Variants in GRM7 observed in about 807,000 individuals in gnomAD.
GRM7 encodes the protein metabotropic glutamate receptor 7.
Under a neutral mutation model 84.5 loss-of-function variants are expected in GRM7, and 35 were observed. The ratio of observed to expected loss-of-function variants is 0.41; its 90% confidence interval spans 0.32 to 0.55. The LOEUF is 0.55. Among genes scored for constraint, GRM7 ranks in the 20% least tolerant of loss-of-function variants. The probability of loss-of-function intolerance (pLI) is 0.19; values close to 1 mark genes in which losing one functional copy is unlikely to be tolerated. For missense variants in GRM7, 1,003 were observed against 1,194.6 expected, an observed-to-expected ratio of 0.84 and a Z score of 2.36; for synonymous variants, 487 against 455.1, an observed-to-expected ratio of 1.07 and a Z score of -0.89.
rs1298850673 is a variant in GRM7 at position 7,656,518 on chromosome 3, A to AT, written c.2452-23531_2452-23530insT. On this transcript the variant is annotated intron_variant, in intron 8 of 9. Coordinates refer to ENST00000357716, the MANE Select transcript of GRM7 (RefSeq NM_000844.4). ...CTCAAAAAACAAACAAACAAATAAAAAAAAATATATATATATATATACGCG... is the reference window on the plus strand; with the variant it reads ...CTCAAAAAACAAACAAACAAATAAAATAAAAATATATATATATATATACGCG... 3.1e-4 allele frequency among the ~76,000 whole-genome samples: 29 copies of AT among 93,286 alleles called. No homozygotes were observed. In the East Asian group the frequency reaches 6.1e-3, roughly 20 times the overall value. 61.2% of individuals were successfully genotyped at this position (93,286 alleles called of 152,430 possible). A position where few individuals can be genotyped will look rare whatever the true frequency, so the allele number is the denominator to read the frequency against.
chr3:7,607,730 T>TTTTC (rs1491468792), intron 8 of GRM7: 5 of 53,200 alleles, frequency 9.4e-5, no homozygotes, highest in African/African-American at 3.0e-4. Context: ...CACACTTTCC[T>TTTTC]TTTTTTTTTT....
At chr3:7,191,263 T>C (rs1479994129) in intron 2 of GRM7, among the ~76,000 whole-genome samples, 1 of 152,098 alleles carries the variant, frequency 6.6e-6, no homozygotes, top group African/African-American at 2.4e-5. Flanking sequence ...TCTCTTCTAC[T>C]TCATGTTGAA....
chr3:7,074,208 A>G (rs1292285615), intron 1 of GRM7, among the ~76,000 whole-genome samples: 1 of 152,202 alleles, frequency 6.6e-6, no homozygotes, highest in Admixed American at 6.5e-5. Context: ...TGGTCCTGTC[A>G]TTATTCCAGT....
At chr3:7,391,834 C>T (rs1218413503) in intron 4 of GRM7, among the ~76,000 whole-genome samples, 1 of 151,986 alleles carries the variant, frequency 6.6e-6, no homozygotes, top group Non-Finnish European at 1.5e-5. Context: ...ATGCCCTCCC[C>T]CAGAGCATGT....
At chr3:7,698,931 G>T (rs1249373129) in intron 9 of GRM7, among the ~76,000 whole-genome samples, 1 of 152,138 alleles carries the variant, frequency 6.6e-6, no homozygotes, top group Non-Finnish European at 1.5e-5. Flanking sequence ...TGTCAATTGA[G>T]GTTTTACAAC....
chr3:7,197,685 A>G (rs1695922555), intron 2 of GRM7, among the ~76,000 whole-genome samples: 1 of 142,304 alleles, frequency 7.0e-6, no homozygotes, highest in Non-Finnish European at 1.5e-5. Context: ...AGGAAAAAAT[A>G]CTTTTTACGA....
At chr3:7,515,371 C>T (rs1405726861) in intron 7 of GRM7, among the ~76,000 whole-genome samples, 2 of 152,152 alleles carry the variant, frequency 1.3e-5, no homozygotes, top group African/African-American at 4.8e-5. Flanking sequence ...GCATCCCTGG[C>T]CTCTGTCTAT....
In GRM7 at chr3:7,331,751, C is replaced by G. The variant is rs892641391; in HGVS notation, c.1033+25099C>G. 9.9e-5 allele frequency among the ~76,000 whole-genome samples: 15 copies of G among 152,128 alleles called. No individual in the cohort carries two copies. In the East Asian group the frequency reaches 1.3e-3, roughly 14 times the overall value. On this transcript the variant is annotated intron_variant, in intron 4 of 9. Coordinates refer to ENST00000357716, the MANE Select transcript of GRM7 (RefSeq NM_000844.4). ...TTGTTGTATGGCATAAAAGCAGTCT[C>G]TTTTCTGCGGAGCCTCAATTTCCCC...
intron 1 of GRM7, among the ~76,000 whole-genome samples, chr3:7,095,264 G>A (rs185192995): frequency 1.2e-3 from 187 of 152,260 alleles, no homozygotes; most frequent in African/African-American, 4.2e-3. Flanking sequence ...TGGAAGCAAT[G>A]AGTCTCCAGT....
At chr3:6,957,257 AT>A (rs1204018297) in intron 1 of GRM7, among the ~76,000 whole-genome samples, 2 of 152,146 alleles carry the variant, frequency 1.3e-5, no homozygotes, top group Non-Finnish European at 2.9e-5. Context: ...TGTTGAAGGA[AT>A]TTCTCCCAGG....
At chr3:7,571,524 C>G (rs1400070911) in intron 7 of GRM7, among the ~76,000 whole-genome samples, 1 of 152,194 alleles carries the variant, frequency 6.6e-6, no homozygotes, top group Non-Finnish European at 1.5e-5. Flanking sequence ...CAACAAGTTC[C>G]TCATCTCCAT....
At chr3:7,536,985 A>T (rs1028139511) in intron 7 of GRM7, among the ~76,000 whole-genome samples, 4 of 152,194 alleles carry the variant, frequency 2.6e-5, no homozygotes, top group African/African-American at 9.7e-5. Flanking sequence ...CATTTCTGAA[A>T]TGTTGCTTCC....
At chr3:6,984,589 C>A (rs1212033332) in intron 1 of GRM7, among the ~76,000 whole-genome samples, 1 of 151,916 alleles carries the variant, frequency 6.6e-6, no homozygotes, top group Non-Finnish European at 1.5e-5. Context: ...TTTTTCTCTA[C>A]CCTGTGAACA....
intron 9 of GRM7, among the ~76,000 whole-genome samples, chr3:7,696,701 G>A (rs1384904906): frequency 6.6e-6 from 1 of 152,092 alleles, no homozygotes; most frequent in African/African-American, 2.4e-5. Context: ...TTCTGTGCAT[G>A]GTTAGCCCTT....
chr3:7,110,843 G>A (rs1246622468), intron 1 of GRM7, among the ~76,000 whole-genome samples: 1 of 151,990 alleles, frequency 6.6e-6, no homozygotes, highest in Non-Finnish European at 1.5e-5. Flanking sequence ...GTGGAGGTGT[G>A]TATACCAAGC....
At chr3:7,091,324 A>G (rs1260516643) in intron 1 of GRM7, among the ~76,000 whole-genome samples, 7 of 152,208 alleles carry the variant, frequency 4.6e-5, no homozygotes, top group Admixed American at 4.6e-4. Context: ...AGGTTTCTCC[A>G]GTGACTTAAA....
At position 7,572,354 on chromosome 3, in the gene GRM7, T is replaced by A. The variant is rs918037886; in HGVS notation, c.1516-6068T>A. ...TACAGGCTCTGGAATTTTTAGAAGATCCCCAAGTAATTCAAATGTGCAAAC... is the reference window on the plus strand; with the variant it reads ...TACAGGCTCTGGAATTTTTAGAAGAACCCCAAGTAATTCAAATGTGCAAAC... On this transcript the variant is annotated intron_variant, in intron 7 of 9. Coordinates refer to ENST00000357716, the MANE Select transcript of GRM7 (RefSeq NM_000844.4). Among the ~76,000 whole-genome samples the A allele has an allele frequency of 6.6e-5, 10 of 152,194 alleles. No individual in the cohort carries two copies. In the East Asian group the frequency reaches 1.9e-3, roughly 30 times the overall value.
intron 1 of GRM7, among the ~76,000 whole-genome samples, chr3:6,963,003 G>C (rs1007512030): frequency 1.3e-5 from 2 of 152,148 alleles, no homozygotes; most frequent in Admixed American, 6.5e-5. Flanking sequence ...TTCATTTCTG[G>C]AAAACTGCCA....
chr3:7,074,555 A>G (rs1697996576), intron 1 of GRM7, among the ~76,000 whole-genome samples: 1 of 140,674 alleles, frequency 7.1e-6, no homozygotes, highest in Middle Eastern at 3.4e-3. Flanking sequence ...TTCTTACAGC[A>G]ATTTGATAGT....
Sources: gnomAD v4.1 joint callset for allele counts (sites outside exome capture counted in the v4.1 genomes callset) on GRCh38, gnomAD v4.1.1 for gene constraint, MANE v1.5 for transcripts, NCBI Gene and HGNC (gene_info 2026-07-23, HGNC 2026-07-21) for gene names.